AVL9: variants seen among roughly 807,000 people sequenced by gnomAD.
The protein encoded by AVL9 is AVL9 cell migration associated.
A neutral mutation model predicts 79.2 loss-of-function variants in AVL9; 49 were observed. The observed-to-expected ratio is 0.62, with a 90% CI of 0.49 to 0.79. The LOEUF is 0.79. Ranked by LOEUF, AVL9 falls within the 30% of genes least tolerant of loss-of-function variation. AVL9 has a pLI of 0.00. For synonymous variants in AVL9, 299 were observed against 280.6 expected, an observed-to-expected ratio of 1.07 and a Z score of -0.65; for missense variants, 682 against 776.8, an observed-to-expected ratio of 0.88 and a Z score of 1.45.
chr7:32,545,821 C>G (rs550376932), intron 3 of AVL9, among the ~76,000 whole-genome samples: 1 of 152,202 alleles, frequency 6.6e-6, no homozygotes, highest in South Asian at 2.1e-4. Context: ...AAAGCTCTTT[C>G]CTCTCAAAAG....
intron 1 of AVL9, among the ~76,000 whole-genome samples, chr7:32,499,621 C>T (rs1006334237): frequency 2.0e-5 from 3 of 151,844 alleles, no homozygotes; most frequent in Admixed American, 6.6e-5. Flanking sequence ...GATACATGTG[C>T]GAAACATTCG....
chr7:32,568,966 T>C (rs1027765832), intron 10 of AVL9, among the ~76,000 whole-genome samples: 1 of 152,188 alleles, frequency 6.6e-6, no homozygotes, highest in Admixed American at 6.5e-5. Context: ...TTACCAGACA[T>C]ATATTCCAAC....
At chr7:32,505,630 A>G (rs147132719) in intron 1 of AVL9, among the ~76,000 whole-genome samples, 5 of 152,268 alleles carry the variant, frequency 3.3e-5, no homozygotes, top group African/African-American at 4.8e-5. Flanking sequence ...CATTTAATTA[A>G]TATGATTTTC....
chr7:32,579,290 A>G (rs1791244302), intron 13 of AVL9, among the ~76,000 whole-genome samples: 1 of 102,004 alleles, frequency 9.8e-6, no homozygotes, highest in South Asian at 3.0e-4. Flanking sequence ...ATATATATAT[A>G]TGTATTATAT....
intron 11 of AVL9, 79 bp downstream of exon 11, chr7:32,570,233 G>A: frequency 6.5e-7 from 1 of 1,540,240 alleles, no homozygotes; most frequent in South Asian, 1.2e-5. Flanking sequence ...TGAATACATA[G>A]TAACAACATT....
chr7:32,552,339 A>G (rs955403308), intron 6 of AVL9, 44 bp downstream of exon 6: 6 of 1,260,782 alleles, frequency 4.8e-6, no homozygotes, highest in Non-Finnish European at 6.9e-6. Context: ...CCTCATTTCT[A>G]TTTGTTTAGC....
intron 11 of AVL9, among the ~76,000 whole-genome samples, chr7:32,570,901 G>GT (rs1465578007): frequency 3.3e-4 from 49 of 147,070 alleles, no homozygotes; most frequent in Admixed American, 3.3e-3. Context: ...GATTACAGGC[G>GT]TAAGCCACCG....
intron 1 of AVL9, among the ~76,000 whole-genome samples, chr7:32,514,767 T>C (rs1180041355): frequency 6.6e-6 from 1 of 152,106 alleles, no homozygotes; most frequent in Non-Finnish European, 1.5e-5. Context: ...ACAAACACCC[T>C]TTGACCGTAA....
intron 13 of AVL9, among the ~76,000 whole-genome samples, chr7:32,579,792 A>G (rs527696282): frequency 1.3e-5 from 2 of 149,700 alleles, no homozygotes; most frequent in Admixed American, 1.4e-4. Flanking sequence ...TGCATAACCA[A>G]TAGCACACAT....
At chr7:32,497,593 G>A (rs952562448) in intron 1 of AVL9, among the ~76,000 whole-genome samples, 2 of 151,816 alleles carry the variant, frequency 1.3e-5, no homozygotes, top group African/African-American at 4.8e-5. Context: ...CTTGTGTGAG[G>A]GTACTTAGAC....
intron 1 of AVL9, among the ~76,000 whole-genome samples, chr7:32,522,812 A>AG (rs2128124612): frequency 6.6e-6 from 1 of 152,236 alleles, no homozygotes; most frequent in African/African-American, 2.4e-5. Flanking sequence ...GGAGAGACCC[A>AG]GGGGGAGGTA....
At chr7:32,562,769 A>AT (rs11384899) in intron 10 of AVL9, 176,425 of 213,660 alleles carry the variant, frequency 0.83, 73,146 homozygotes, top group Admixed American at 0.87. Context: ...AAAAAGTAAA[A>AT]AAATTATCTG....
intron 13 of AVL9, among the ~76,000 whole-genome samples, chr7:32,579,576 A>T (rs960290511): frequency 0.033 from 38 of 1,140 alleles, 12 homozygotes; most frequent in South Asian, 0.12. Flanking sequence ...ATATTATATT[A>T]TATATTATAT....
At chr7:32,520,744 A>G (rs1788106317) in intron 1 of AVL9, among the ~76,000 whole-genome samples, 1 of 152,124 alleles carries the variant, frequency 6.6e-6, no homozygotes, top group Non-Finnish European at 1.5e-5. Context: ...ACAGAATCAT[A>G]TGACTGTTTG....
intron 10 of AVL9, among the ~76,000 whole-genome samples, chr7:32,566,835 A>G (rs1790601184): frequency 6.6e-6 from 1 of 152,228 alleles, no homozygotes; most frequent in Non-Finnish European, 1.5e-5. Flanking sequence ...GTGAACCGAG[A>G]TCGCGCCACT....
intron 1 of AVL9, among the ~76,000 whole-genome samples, chr7:32,525,373 G>A (rs538743249): frequency 2.0e-5 from 3 of 152,270 alleles, no homozygotes; most frequent in African/African-American, 7.2e-5. Flanking sequence ...TTTAGGTAAA[G>A]TTCCAACAAA....
At chr7:32,547,715 G>C (rs574982196) in intron 3 of AVL9, among the ~76,000 whole-genome samples, 1 of 152,200 alleles carries the variant, frequency 6.6e-6, no homozygotes, top group Admixed American at 6.5e-5. Flanking sequence ...GAGGGACCTT[G>C]AGCCTGGAAG....
At chr7:32,579,458 T>TTA (rs367550621) in intron 13 of AVL9, among the ~76,000 whole-genome samples, 1 of 6,134 alleles carries the variant, frequency 1.6e-4, no homozygotes, top group Non-Finnish European at 2.3e-4. Context: ...ATATTATATA[T>TTA]TATATATAAT....
rs758748281 is a variant in AVL9 at position 32,553,757 on chromosome 7, T to G, written c.560T>G (p.Phe187Cys). 3 of 1,610,678 alleles carry G rather than the reference T, an allele frequency of 1.9e-6. No homozygotes were observed. The highest frequency in any genetic ancestry group is 2.5e-6 in the Non-Finnish European group (3 of 1,177,500). ...GLSPRDLVLH[F>C]RHKVLILFKL... is the part of the protein sequence containing the mutation. ...TCACCTCGAGATCTTGTCCTTCATT[T>G]TCGACACAAGGTATGGTACCTTATT... The change falls in exon 7 of 16, where the codon TTT becomes TGT. Residue 187 changes from phenylalanine (F) to cysteine (C), a missense_variant. Transcript: ENST00000318709.
Sources: gnomAD v4.1 joint callset for allele counts (sites outside exome capture counted in the v4.1 genomes callset) on GRCh38, gnomAD v4.1.1 for gene constraint, MANE v1.5 for transcripts, NCBI Gene and HGNC (gene_info 2026-07-23, HGNC 2026-07-21) for gene names.